Variants in INPP4B observed in about 807,000 individuals in gnomAD.
The protein encoded by INPP4B is inositol polyphosphate-4-phosphatase type II B, also known as inositol polyphosphate 4-phosphatase type II.
In INPP4B, 55 loss-of-function variants were observed where a neutral mutation model predicts 122.5. The ratio of observed to expected loss-of-function variants is 0.45; its 90% CI spans 0.36 to 0.56. The LOEUF (loss-of-function observed/expected upper bound fraction) is 0.56. Among genes scored for constraint, INPP4B ranks in the 20% least tolerant of loss-of-function variants. The probability of loss-of-function intolerance (pLI) is 0.00; values close to 1 mark genes in which losing one functional copy is unlikely to be tolerated. For missense variants in INPP4B, 1,000 were observed against 1,097.7 expected (o/e 0.91, Z 1.26); for synonymous variants, 403 against 388.7 (o/e 1.04, Z -0.43).
At chr4:142,570,219 A>G (rs535608968) in intron 2 of INPP4B, among the ~76,000 whole-genome samples, 27 of 152,220 alleles carry the variant, frequency 1.8e-4, no homozygotes, top group Non-Finnish European at 3.1e-4. Flanking sequence ...TGACATTAAT[A>G]ATATGTTCTC....
intron 2 of INPP4B, among the ~76,000 whole-genome samples, chr4:142,695,573 T>C (rs1177111605): frequency 2.6e-5 from 4 of 152,174 alleles, no homozygotes; most frequent in Non-Finnish European, 5.9e-5. Context: ...ATTTTTAAAA[T>C]ACTATGCATA....
intron 2 of INPP4B, among the ~76,000 whole-genome samples, chr4:142,466,448 T>A (rs553415893): frequency 6.6e-6 from 1 of 152,332 alleles, no homozygotes; most frequent in East Asian, 1.9e-4. Flanking sequence ...AAGCATTCAA[T>A]ATGTGATCTG....
intron 17 of INPP4B, among the ~76,000 whole-genome samples, chr4:142,152,958 T>C (rs557710708): frequency 1.1e-4 from 16 of 152,296 alleles, no homozygotes; most frequent in African/African-American, 3.8e-4. Context: ...TACTAATCTG[T>C]TATTTGGTAG....
At chr4:142,074,449 C>T (rs1454578671) in intron 25 of INPP4B, among the ~76,000 whole-genome samples, 3 of 152,078 alleles carry the variant, frequency 2.0e-5, no homozygotes, top group Admixed American at 6.6e-5. Context: ...ATGTGCATGC[C>T]TTGTGGCTTA....
intron 7 of INPP4B, among the ~76,000 whole-genome samples, chr4:142,382,652 T>C (rs1794620386): frequency 6.9e-6 from 1 of 145,374 alleles, no homozygotes; most frequent in Admixed American, 7.0e-5. Context: ...ATATATTATA[T>C]ATATTTATAT....
At chr4:142,795,618 G>A (rs1461133289) in intron 1 of INPP4B, 1 of 151,974 alleles carries the variant, frequency 6.6e-6, no homozygotes, top group East Asian at 1.9e-4. Flanking sequence ...ACGAGGCTGT[G>A]TGAAAAACAT....
intron 11 of INPP4B, among the ~76,000 whole-genome samples, chr4:142,243,863 A>G (rs1243690272): frequency 1.8e-5 from 2 of 112,120 alleles, no homozygotes; most frequent in Admixed American, 1.0e-4. Context: ...GTGAAAGTCA[A>G]TTAAAATCTA....
At chr4:142,361,134 G>C (rs1293031797) in intron 7 of INPP4B, among the ~76,000 whole-genome samples, 2 of 151,744 alleles carry the variant, frequency 1.3e-5, no homozygotes, top group African/African-American at 4.8e-5. Flanking sequence ...ACCATCATCT[G>C]TTCTGTTTTC....
At chr4:142,569,787 C>G (rs1043299261) in intron 2 of INPP4B, among the ~76,000 whole-genome samples, 8 of 152,056 alleles carry the variant, frequency 5.3e-5, no homozygotes, top group African/African-American at 1.7e-4. Context: ...AAACAAAGGT[C>G]CGCATGAAAA....
chr4:142,113,224 G>A (rs1791155667), intron 21 of INPP4B, among the ~76,000 whole-genome samples: 1 of 151,924 alleles, frequency 6.6e-6, no homozygotes, highest in Non-Finnish European at 1.5e-5. Context: ...ACATATCACA[G>A]GAGCATTTTT....
chr4:142,644,905 C>CAAAAAAA (rs72460445), intron 2 of INPP4B, among the ~76,000 whole-genome samples: 3 of 66,146 alleles, frequency 4.5e-5, no homozygotes, highest in South Asian at 6.1e-4. Flanking sequence ...GACTCCATCT[C>CAAAAAAA]AAAAAAAAAA....
chr4:142,182,920 T>C (rs1394511108), intron 15 of INPP4B, among the ~76,000 whole-genome samples: 1 of 152,198 alleles, frequency 6.6e-6, no homozygotes, highest in South Asian at 2.1e-4. Flanking sequence ...CTCTACACTG[T>C]CACTCCAAAT....
chr4:142,429,124 C>T, intron 5 of INPP4B, 49 bp downstream of exon 5: 1 of 1,083,696 alleles, frequency 9.2e-7, no homozygotes, highest in Non-Finnish European at 1.4e-6. Flanking sequence ...TTGCAAACTA[C>T]TACACAAATT....
intron 1 of INPP4B, among the ~76,000 whole-genome samples, chr4:142,773,007 C>T (rs1773325412): frequency 6.6e-6 from 1 of 152,014 alleles, no homozygotes; most frequent in African/African-American, 2.4e-5. Flanking sequence ...GATTGCACCA[C>T]TACACTCCAG....
At chr4:142,658,123 T>C (rs141833290) in intron 2 of INPP4B, among the ~76,000 whole-genome samples, 41 of 152,340 alleles carry the variant, frequency 2.7e-4, no homozygotes, top group African/African-American at 8.9e-4. Flanking sequence ...TTGTAAACCA[T>C]GAAGATAACC....
chr4:142,138,724 G>T (rs1806081751), intron 18 of INPP4B, among the ~76,000 whole-genome samples: 1 of 152,100 alleles, frequency 6.6e-6, no homozygotes, highest in African/African-American at 2.4e-5. Flanking sequence ...CTACAGGCTT[G>T]TTGTGAAAAG....
At chr4:142,363,532 G>C (rs1786279941) in intron 7 of INPP4B, among the ~76,000 whole-genome samples, 1 of 151,948 alleles carries the variant, frequency 6.6e-6, no homozygotes, top group Non-Finnish European at 1.5e-5. Context: ...CTTCTGAGGA[G>C]TAAATGTTAT....
At chr4:142,090,679 C>T (rs1021781163) in intron 23 of INPP4B, among the ~76,000 whole-genome samples, 3 of 151,104 alleles carry the variant, frequency 2.0e-5, no homozygotes, top group Non-Finnish European at 4.4e-5. Flanking sequence ...GCAGCTGAGT[C>T]TCTATGCATA....
At chr4:142,425,883 G>A (rs2840094) in intron 5 of INPP4B, among the ~76,000 whole-genome samples, 1 of 151,818 alleles carries the variant, frequency 6.6e-6, no homozygotes, top group African/African-American at 2.4e-5. Flanking sequence ...GCCCCCATTC[G>A]TATCACAATC....
Sources: allele counts gnomAD v4.1 joint callset (sites outside exome capture counted in the v4.1 genomes callset), GRCh38; gene constraint gnomAD v4.1.1; transcripts MANE v1.5; gene names NCBI Gene and HGNC (gene_info 2026-07-23, HGNC 2026-07-21).